Variants in SUZ12 observed in about 807,000 individuals in gnomAD.
SUZ12 encodes SUZ12 polycomb repressive complex 2 subunit.
Under a neutral mutation model 87.3 loss-of-function variants are expected in SUZ12, and 17 were observed. The ratio of observed to expected loss-of-function variants is 0.19; its 90% CI spans 0.13 to 0.29. The LOEUF is 0.29. Among genes scored for constraint, SUZ12 ranks in the 10% least tolerant of loss-of-function variants. SUZ12 has a pLI of 1.00. For missense variants in SUZ12, 526 were observed against 912.2 expected (o/e 0.58, Z 5.45); for synonymous variants, 253 against 312.4 (o/e 0.81, Z 2.01).
chr17:31,965,576 T>C (rs948576130), intron 4 of SUZ12: 3 of 152,242 alleles, frequency 2.0e-5, no homozygotes, highest in Admixed American at 2.0e-4. Flanking sequence ...TTTGTAATTG[T>C]GTATTTCATT....
intron 4 of SUZ12, 39 bp downstream of exon 4, chr17:31,947,724 T>C (rs747409613): frequency 3.2e-5 from 50 of 1,564,028 alleles, no homozygotes; most frequent in Admixed American, 2.2e-4. Flanking sequence ...TGATATACTT[T>C]AGGAAAGAGG....
rs543471103 is a variant in SUZ12 at position 31,985,660 on chromosome 17, T to G, written c.1023+2556T>G. Among the ~76,000 whole-genome samples, 12 of 152,056 alleles carry G rather than the reference T, an allele frequency of 7.9e-5. No individual in the cohort carries two copies. In the South Asian group the frequency reaches 2.3e-3, roughly 29 times the overall value. Reference sequence around the variant, plus strand: ...TTGTTGTTGGTTTTGTTTTTGTTTTTTTTTTGTTTGTTTTGTTTTTGAGAT... The same window carrying G: ...TTGTTGTTGGTTTTGTTTTTGTTTTGTTTTTGTTTGTTTTGTTTTTGAGAT... On this transcript the variant is annotated intron_variant, in intron 9 of 15. Coordinates refer to ENST00000322652, the MANE Select transcript of SUZ12 (RefSeq NM_015355.4).
rs539650621 is a variant in SUZ12, at chr17:31,976,384, T to G, written c.824-137T>G. 5 of 639,862 alleles carry G rather than the reference T, an allele frequency of 7.8e-6. No individual in the cohort carries two copies. In the South Asian group the frequency reaches 1.2e-4, roughly 16 times the overall value. 39.6% of individuals were successfully genotyped at this position (639,862 alleles called of 1,614,324 possible). On this transcript the variant is annotated intron_variant, in intron 7 of 15. Transcript: ENST00000322652. ...AAAATGCAAAATTGGAAACATGTGG[T>G]CTGTATATTATTGCAACTTTAGTGT...
At chr17:31,976,269 T>C (rs1380441245) in intron 7 of SUZ12, among the ~76,000 whole-genome samples, 2 of 151,904 alleles carry the variant, frequency 1.3e-5, no homozygotes, top group South Asian at 2.1e-4. Flanking sequence ...TGAGAAGGAG[T>C]TTGCCTAGCA....
intron 8 of SUZ12, among the ~76,000 whole-genome samples, chr17:31,982,661 CAAATAAAT>C (rs374437953): frequency 4.6e-5 from 7 of 151,758 alleles, no homozygotes; most frequent in African/African-American, 1.5e-4. Flanking sequence ...GACTCCATCT[CAAATAAAT>C]AAATAAATAA....
intron 3 of SUZ12, among the ~76,000 whole-genome samples, chr17:31,941,345 C>G (rs1019377251): frequency 1.7e-4 from 26 of 151,842 alleles, no homozygotes; most frequent in Admixed American, 1.2e-3. Flanking sequence ...CGATCTCTGC[C>G]TCCTGGGTTT....
At chr17:31,977,955 C>A (rs1295785744) in intron 8 of SUZ12, among the ~76,000 whole-genome samples, 1 of 152,108 alleles carries the variant, frequency 6.6e-6, no homozygotes, top group Non-Finnish European at 1.5e-5. Context: ...TACAGGATGG[C>A]AAGAAACACA....
intron 15 of SUZ12, among the ~76,000 whole-genome samples, chr17:31,998,331 G>A (rs1474114604): frequency 1.3e-5 from 2 of 151,860 alleles, no homozygotes; most frequent in Non-Finnish European, 1.5e-5. Flanking sequence ...CACCCACCTC[G>A]GCCTCCCAAA....
intron 4 of SUZ12, among the ~76,000 whole-genome samples, chr17:31,965,415 A>T (rs564395807): frequency 6.6e-6 from 1 of 152,248 alleles, no homozygotes; most frequent in Non-Finnish European, 1.5e-5. Context: ...ATTTTATCCC[A>T]TGCTTATTGT....
intron 5 of SUZ12, among the ~76,000 whole-genome samples, chr17:31,968,651 T>C (rs1361929291): frequency 6.6e-6 from 1 of 152,182 alleles, no homozygotes; most frequent in Non-Finnish European, 1.5e-5. Context: ...CTGGGTAGCA[T>C]TACGGTTTTT....
chr17:31,998,119 G>A (rs543692079), intron 15 of SUZ12, among the ~76,000 whole-genome samples: 6 of 141,868 alleles, frequency 4.2e-5, no homozygotes, highest in South Asian at 2.2e-4. Flanking sequence ...TCTCTCTCTC[G>A]TCCAGGCTGG....
intron 10 of SUZ12, among the ~76,000 whole-genome samples, chr17:31,991,102 G>A (rs1009455627): frequency 2.6e-5 from 4 of 152,214 alleles, no homozygotes; most frequent in African/African-American, 7.2e-5. Context: ...ACCTGAGAGA[G>A]CACTCATGTG....
Position 32,000,852 on chromosome 17 carries a change from T to TA in SUZ12, c.*1856dup, listed in dbSNP as rs1910221051. 8.9e-6 allele frequency: 2 copies of TA among 224,622 alleles called. 1 individual carries two copies. The highest frequency in any genetic ancestry group is 4.4e-5 in the African/African-American group (2 of 45,006). The allele number at this position is 224,622 out of a possible 1,614,324, so 13.9% of individuals were successfully genotyped here. A position where few individuals can be genotyped will look rare whatever the true frequency, so the allele number is the denominator to read the frequency against. On this transcript the variant is annotated 3_prime_UTR_variant, in exon 16 of 16. Transcript: ENST00000322652. ...GAAAAAATCCCTTTGTTTCTATTTATAAAAAAAGTGCTTTTCTATATGTAC... is the reference window on the plus strand; with the variant it reads ...GAAAAAATCCCTTTGTTTCTATTTATAAAAAAAAGTGCTTTTCTATATGTAC...
intron 1 of SUZ12, 73 bp downstream of exon 1, chr17:31,937,593 C>T (rs1906018121): frequency 2.0e-6 from 3 of 1,512,484 alleles, no homozygotes; most frequent in African/African-American, 1.4e-5. Context: ...CTCTGCTGGG[C>T]CCCCTTCCTC....
At position 31,947,869 on chromosome 17, in the gene SUZ12, A is replaced by T. The variant is rs550411724; in HGVS notation, c.455+184A>T. On this transcript the variant is annotated intron_variant, in intron 4 of 15. Transcript: ENST00000322652. ...GTAGCATTCCTGGCAGAGAATACTT[A>T]AGCTGTGGCTTGAATACCTCCAGTG... 2.6e-5 allele frequency among the ~76,000 whole-genome samples: 4 copies of T among 152,278 alleles called. No homozygotes were observed. The East Asian group carries it at 7.7e-4, about 29-fold the overall frequency.
intron 3 of SUZ12, among the ~76,000 whole-genome samples, chr17:31,942,443 A>G (rs1450990459): frequency 6.6e-6 from 1 of 151,860 alleles, no homozygotes; most frequent in Non-Finnish European, 1.5e-5. Context: ...TCAAGGGATT[A>G]TCCTGTCTCA....
chr17:31,948,252 G>A (rs1450207822), intron 4 of SUZ12, among the ~76,000 whole-genome samples: 2 of 152,014 alleles, frequency 1.3e-5, no homozygotes, highest in Admixed American at 6.6e-5. Flanking sequence ...TACCTAGAAC[G>A]AATCCCTAAA....
chr17:31,993,203 A>G, intron 10 of SUZ12, 39 bp from the exon 11 acceptor site: 2 of 1,388,490 alleles, frequency 1.4e-6, no homozygotes, highest in Non-Finnish European at 2.0e-6. Context: ...GCTTTTCAAA[A>G]GCAATGTTTT....
chr17:31,946,389 A>G (rs2142127151), intron 3 of SUZ12, among the ~76,000 whole-genome samples: 2 of 152,260 alleles, frequency 1.3e-5, no homozygotes, highest in African/African-American at 4.8e-5. Flanking sequence ...AAAATTAGCC[A>G]GGCGTGGTGG....
Sources: gnomAD v4.1 joint callset for allele counts (sites outside exome capture counted in the v4.1 genomes callset) on GRCh38, gnomAD v4.1.1 for gene constraint, MANE v1.5 for transcripts, NCBI Gene and HGNC (gene_info 2026-07-23, HGNC 2026-07-21) for gene names.